Variants in SLC47A1 observed in about 807,000 individuals in gnomAD.
The protein encoded by SLC47A1 is multidrug and toxin extrusion protein 1.
Under a neutral mutation model 65.8 loss-of-function variants are expected in SLC47A1, and 58 were observed. The ratio of observed to expected loss-of-function variants is 0.88; its 90% CI spans 0.71 to 1.10. SLC47A1 has a LOEUF of 1.10. Among genes scored for constraint, SLC47A1 ranks in the 50% least tolerant of loss-of-function variants. The pLI is 0.00. For missense variants in SLC47A1, 706 were observed against 719.2 expected, an observed-to-expected ratio of 0.98 and a Z score of 0.21; for synonymous variants, 285 against 295.0, an observed-to-expected ratio of 0.97 and a Z score of 0.35.
chr17:19,561,213 G>C (rs1273922203), intron 12 of SLC47A1, among the ~76,000 whole-genome samples: 1 of 151,832 alleles, frequency 6.6e-6, no homozygotes, highest in African/African-American at 2.4e-5. Flanking sequence ...AGCCAAGATC[G>C]TGCCACTGCA....
At chr17:19,545,945 G>T (rs138719280) in intron 2 of SLC47A1, among the ~76,000 whole-genome samples, 2 of 152,090 alleles carry the variant, frequency 1.3e-5, no homozygotes, top group African/African-American at 2.4e-5. Flanking sequence ...GTTCTAGGCC[G>T]CGCGCTGTGG....
In SLC47A1 at chr17:19,556,030, AT is replaced by A; in HGVS notation, c.890del (p.Ile297ThrfsTer24). ...CATGGTGGAGCTGGGCGCTCAGTCC[AT>A]CGTGTATGAACTGGCCATCATTGTG... ...LGMVELGAQS[I>X]VYELAIIVYM... On this transcript the variant is annotated frameshift_variant, in exon 10 of 17. Coordinates refer to ENST00000270570, the MANE Select transcript of SLC47A1 (RefSeq NM_018242.3). LOFTEE classifies it high-confidence loss of function. The A allele has an allele frequency of 6.2e-7, 1 of 1,614,164 alleles. No individual in the cohort carries two copies. Among genetic ancestry groups the A allele is most frequent in the Non-Finnish European group, 8.5e-7 (1 of 1,180,038 alleles).
intron 10 of SLC47A1, chr17:19,558,059 TCAC>T: frequency 3.9e-5 from 8 of 206,096 alleles, no homozygotes; most frequent in South Asian, 2.3e-4. Flanking sequence ...ACCAGTTTTG[TCAC>T]ATTTATTCTG....
intron 6 of SLC47A1, among the ~76,000 whole-genome samples, chr17:19,553,298 G>A (rs1916504364): frequency 6.6e-6 from 1 of 152,188 alleles, no homozygotes; most frequent in South Asian, 2.1e-4. Flanking sequence ...GGAGACGCAT[G>A]CGTGTTGCAG....
In SLC47A1 at chr17:19,577,440, G is replaced by A. The variant is rs749385479; in HGVS notation, c.1600G>A (p.Gly534Ser). The change falls in exon 17 of 17, where the codon GGC (glycine) becomes AGC (serine). Residue 534 changes from glycine (G) to serine (S), a missense_variant. Coordinates refer to ENST00000270570, the MANE Select transcript of SLC47A1 (RefSeq NM_018242.3). ...EEPLPEHPQD[G>S]AKLSRKQLVL... ...ACCTTTGCCGGAACATCCACAGGAC[G>A]GCGCTAAATTGTCCAGGAAACAGCT... The A allele has an allele frequency of 3.7e-6, 6 of 1,614,142 alleles. No homozygotes were observed. The highest frequency in any genetic ancestry group is 5.1e-6 in the Non-Finnish European group (6 of 1,180,022).
rs2152314552 is a variant in SLC47A1 at position 19,555,846 on chromosome 17, A to G, written c.790A>G (p.Ile264Val). The G allele has an allele frequency of 6.2e-7, 1 of 1,613,782 alleles. No individual in the cohort carries two copies. Among genetic ancestry groups the G allele is most frequent in the Non-Finnish European group, 8.5e-7 (1 of 1,179,996 alleles). ...CTGGGCCTCCTTCCTCCGCCTGGCC[A>G]TCCCCAGCATGCTCATGCTGTGCAT... ...QDWASFLRLA[I>V]PSMLMLCMEW... The change falls in exon 9 of 17, where the codon ATC (isoleucine) becomes GTC (valine). Residue 264 changes from isoleucine (I) to valine (V), a missense_variant. By Grantham distance (29) the Ile-to-Val change is conservative. Transcript: ENST00000270570.
At chr17:19,548,791 TTC>T (rs1274743520) in intron 4 of SLC47A1, among the ~76,000 whole-genome samples, 1 of 152,144 alleles carries the variant, frequency 6.6e-6, no homozygotes, top group Non-Finnish European at 1.5e-5. Flanking sequence ...CCGGCCAGGA[TTC>T]TCTTTTAATT....
At chr17:19,553,740 C>T (rs1240929182) in intron 6 of SLC47A1, among the ~76,000 whole-genome samples, 5 of 152,114 alleles carry the variant, frequency 3.3e-5, no homozygotes, top group African/African-American at 9.7e-5. Context: ...TGGGGTTTTA[C>T]CATGTTGGCC....
intron 14 of SLC47A1, among the ~76,000 whole-genome samples, chr17:19,569,974 G>A (rs1181757368): frequency 1.3e-5 from 2 of 152,166 alleles, no homozygotes; most frequent in African/African-American, 2.4e-5. Context: ...TAGGCTGGGC[G>A]TAGTGACTCA....
intron 1 of SLC47A1, among the ~76,000 whole-genome samples, chr17:19,541,344 T>C (rs993827192): frequency 6.6e-6 from 1 of 152,136 alleles, no homozygotes; most frequent in African/African-American, 2.4e-5. Flanking sequence ...TTTTGGGCCG[T>C]GTAGCCTGCC....
At chr17:19,534,299 G>T in intron 1 of SLC47A1, 1 of 515,734 alleles carries the variant, frequency 1.9e-6, no homozygotes, top group South Asian at 3.5e-5. Context: ...GCGGGGCACT[G>T]CGGGAACGGC....
At chr17:19,571,209 C>T (rs2084397011) in intron 14 of SLC47A1, among the ~76,000 whole-genome samples, 1 of 151,980 alleles carries the variant, frequency 6.6e-6, no homozygotes, top group Non-Finnish European at 1.5e-5. Context: ...CAAAAATATC[C>T]TCTGAATATT....
intron 16 of SLC47A1, among the ~76,000 whole-genome samples, chr17:19,576,891 G>C (rs2084444654): frequency 6.6e-6 from 1 of 152,174 alleles, no homozygotes; most frequent in South Asian, 2.1e-4. Context: ...GGGATTACAA[G>C]CATGTGCCAC....
intron 1 of SLC47A1, 66 bp from the exon 2 acceptor site, chr17:19,542,327 T>C (rs1172172706): frequency 5.4e-6 from 7 of 1,285,244 alleles, no homozygotes; most frequent in Non-Finnish European, 7.4e-6. Flanking sequence ...GGGGTCACAC[T>C]TGGGGCCCCA....
chr17:19,574,837 T>C (rs2084426866), intron 16 of SLC47A1, among the ~76,000 whole-genome samples: 2 of 152,142 alleles, frequency 1.3e-5, no homozygotes, highest in Non-Finnish European at 2.9e-5. Context: ...GATTTCACCA[T>C]GTTGGCCAGA....
chr17:19,578,869 C>T lies in SLC47A1; in HGVS notation c.*1316C>T, dbSNP rs2084459862. 6.6e-6 allele frequency: 1 copy of T among 152,248 alleles called. No individual in the cohort carries two copies. The allele number at this position is 152,248 out of a possible 1,614,324, so 9.4% of individuals were successfully genotyped here. ...CCAGTTGTAGCTTGCCAGCTCCCAA[C>T]ACCCTTCCTGGTGCCAATAAACTTT... On this transcript the variant is annotated 3_prime_UTR_variant, in exon 17 of 17. Coordinates refer to ENST00000270570, the MANE Select transcript of SLC47A1 (RefSeq NM_018242.3).
intron 14 of SLC47A1, chr17:19,567,805 G>C (rs1207368688): frequency 6.5e-6 from 1 of 154,786 alleles, no homozygotes; most frequent in Non-Finnish European, 1.4e-5. Context: ...CACCCTCATC[G>C]CACTCCGCAG....
intron 6 of SLC47A1, among the ~76,000 whole-genome samples, chr17:19,554,939 T>G (rs1916560095): frequency 6.6e-6 from 1 of 152,162 alleles, no homozygotes; most frequent in African/African-American, 2.4e-5. Context: ...AATAAGCCAT[T>G]TATCTTCTTC....
At chr17:19,541,893 G>A (rs530073395) in intron 1 of SLC47A1, among the ~76,000 whole-genome samples, 4 of 152,176 alleles carry the variant, frequency 2.6e-5, no homozygotes, top group African/African-American at 7.2e-5. Context: ...TTGGGAGGCC[G>A]AGGCAGGCAG....
Sources: gnomAD v4.1 joint callset for allele counts (sites outside exome capture counted in the v4.1 genomes callset) on GRCh38, gnomAD v4.1.1 for gene constraint, MANE v1.5 for transcripts, NCBI Gene and HGNC (gene_info 2026-07-23, HGNC 2026-07-21) for gene names.